PCDHGB3: variants seen among roughly 807,000 people sequenced by gnomAD.
The protein encoded by PCDHGB3 is protocadherin gamma subfamily B, 3, also known as protocadherin gamma-B3.
Under a neutral mutation model 59.2 loss-of-function variants are expected in PCDHGB3, and 40 were observed. The ratio of observed to expected loss-of-function variants is 0.68; its 90% CI spans 0.52 to 0.88. PCDHGB3 has a LOEUF of 0.88. Ranked by LOEUF, PCDHGB3 falls within the 40% of genes least tolerant of loss-of-function variation. PCDHGB3 has a pLI of 0.00. For synonymous variants in PCDHGB3, 581 were observed against 503.6 expected (o/e 1.15, Z -2.06); for missense variants, 1,309 against 1,187.9 (o/e 1.10, Z -1.50).
intron 1 of PCDHGB3, chr5:141,423,320 T>C: frequency 6.2e-7 from 1 of 1,614,148 alleles, no homozygotes; most frequent in Non-Finnish European, 8.5e-7. Flanking sequence ...GTGGTGGCGG[T>C]GGCCGCAGTC....
intron 1 of PCDHGB3, chr5:141,400,082 C>A: frequency 1.2e-6 from 2 of 1,614,016 alleles, no homozygotes; most frequent in Non-Finnish European, 1.7e-6. Flanking sequence ...CCACTCTCCG[C>A]CACCGCCACG....
intron 1 of PCDHGB3, chr5:141,440,744 A>C (rs2098197850): frequency 6.6e-6 from 1 of 152,194 alleles, no homozygotes; most frequent in Non-Finnish European, 1.5e-5. Context: ...CTGCTTGACT[A>C]GGAAAAGCAG....
intron 1 of PCDHGB3, chr5:141,398,645 C>T (rs932721053): frequency 6.2e-7 from 1 of 1,613,936 alleles, no homozygotes; most frequent in African/African-American, 1.3e-5. Flanking sequence ...TATAAACTCT[C>T]TCTTAACCCA....
chr5:141,385,571 T>C (rs2090288104), intron 1 of PCDHGB3: 5 of 1,299,428 alleles, frequency 3.8e-6, no homozygotes, highest in Non-Finnish European at 4.9e-6. Context: ...TCCACCTACT[T>C]TCCAATCTAT....
At position 141,371,393 on chromosome 5, in the gene PCDHGB3, A is replaced by G. The variant is rs1227716102; in HGVS notation, c.999A>G (p.Val333=). ...DGGHHTAYCK[V]QIDISDENDN... is the part of the protein sequence containing the mutation. ...GACATCACACTGCATATTGTAAAGT[A>G]CAGATAGATATTTCAGATGAAAATG... The change falls in exon 1 of 4, where the codon GTA becomes GTG. Residue 333 remains valine (V), a synonymous_variant. Transcript: ENST00000576222. 5.6e-6 allele frequency: 9 copies of G among 1,613,910 alleles called. No individual in the cohort carries two copies. The highest frequency in any genetic ancestry group is 5.0e-5 in the Admixed American group (3 of 60,014).
intron 1 of PCDHGB3, chr5:141,420,344 T>G (rs2096490860): frequency 2.2e-6 from 3 of 1,394,808 alleles, no homozygotes; most frequent in African/African-American, 1.5e-5. Flanking sequence ...TATAGTGGTA[T>G]TATTTTAAGA....
chr5:141,371,333 T>C lies in PCDHGB3; in HGVS notation c.939T>C (p.Asp313=). 1.2e-6 allele frequency: 2 copies of C among 1,613,850 alleles called. No individual in the cohort carries two copies. Among genetic ancestry groups the C allele is most frequent in the Non-Finnish European group, 1.7e-6 (2 of 1,179,838 alleles). The stretch of plus-strand genomic sequence containing the variant: ...GAGAACTGGACTTTGAAGAGAGAGA[T>C]AGCTACACAATTGGGGTGGAAGCAA... ...TIGELDFEER[D]SYTIGVEAKD... is the part of the protein sequence containing the mutation. The change falls in exon 1 of 4, where the codon GAT becomes GAC. Residue 313 remains aspartate (D), a synonymous_variant. Transcript: ENST00000576222.
intron 1 of PCDHGB3, chr5:141,402,906 C>T: frequency 1.3e-6 from 2 of 1,529,180 alleles, no homozygotes; most frequent in Non-Finnish European, 1.8e-6. Context: ...CCTGATGAAG[C>T]AGCGCGCACA....
At position 141,415,074 on chromosome 5, in the gene PCDHGB3, G is replaced by C; in HGVS notation, c.2415+42265G>C. 3 of 1,613,448 alleles carry C rather than the reference G, an allele frequency of 1.9e-6. No homozygotes were observed. In the South Asian group the frequency reaches 3.3e-5, roughly 18 times the overall value. On this transcript the variant is annotated intron_variant, in intron 1 of 3. Coordinates refer to ENST00000576222, the MANE Select transcript of PCDHGB3 (RefSeq NM_018924.5). ...AGCACACGGGCGAGGTGCGCACGGCGCGAGCCCTGCTGGACAGAGACGCGC... is the reference window on the plus strand; with the variant it reads ...AGCACACGGGCGAGGTGCGCACGGCCCGAGCCCTGCTGGACAGAGACGCGC...
At chr5:141,411,951 G>A (rs1589812278) in intron 1 of PCDHGB3, 1 of 152,252 alleles carries the variant, frequency 6.6e-6, no homozygotes, top group African/African-American at 2.4e-5. Context: ...GATTTTTGAA[G>A]AAAAAAGATA....
At chr5:141,423,183 G>GCCCCCTCTCTCGGCCAC (rs760086052) in intron 1 of PCDHGB3, 8 of 1,613,570 alleles carry the variant, frequency 5.0e-6, no homozygotes, top group Non-Finnish European at 6.8e-6. Context: ...ACCACGGCCA[G>GCCCCCTCTCTCGGCCAC]CCCCCTCTCT....
chr5:141,419,967 TTCTC>T (rs1324855239), intron 1 of PCDHGB3: 2 of 1,614,086 alleles, frequency 1.2e-6, no homozygotes, highest in Admixed American at 3.3e-5. Context: ...TCTGTGCTCT[TTCTC>T]CTCGCGGTGA....
intron 1 of PCDHGB3, among the ~76,000 whole-genome samples, chr5:141,406,450 G>T (rs2094811564): frequency 6.6e-6 from 1 of 152,194 alleles, no homozygotes; most frequent in South Asian, 2.1e-4. Flanking sequence ...CCATTTCTAT[G>T]ACAGGAAAAC....
At chr5:141,395,315 G>A in intron 1 of PCDHGB3, 1 of 1,486,272 alleles carries the variant, frequency 6.7e-7, no homozygotes, top group Middle Eastern at 1.8e-4. Context: ...AAAACATTGT[G>A]AAGATAGTTG....
rs760714983 is a variant in PCDHGB3 at position 141,389,956 on chromosome 5, T to C, written c.2415+17147T>C. 12 of 1,614,040 alleles carry C rather than the reference T, an allele frequency of 7.4e-6. No homozygotes were observed. In the South Asian group the frequency reaches 7.7e-5, roughly 10 times the overall value. ...CAGGCTGAGCTGCAGTTTTACCTAG[T>C]GGTGGCCTTGGCCTTGATCTCAGTG... is the stretch of plus-strand genomic sequence containing the variant. On this transcript the variant is annotated intron_variant, in intron 1 of 3. Coordinates refer to ENST00000576222, the MANE Select transcript of PCDHGB3 (RefSeq NM_018924.5).
chr5:141,398,111 T>C, intron 1 of PCDHGB3: 1 of 1,594,080 alleles, frequency 6.3e-7, no homozygotes, highest in East Asian at 2.2e-5. Context: ...GTGAGCAAGC[T>C]GAGGAGAGCA....
intron 1 of PCDHGB3, chr5:141,408,761 G>A (rs1469424988): frequency 8.7e-6 from 14 of 1,610,446 alleles, no homozygotes; most frequent in Non-Finnish European, 1.2e-5. Flanking sequence ...AGTTAATTCC[G>A]ATGGTGGCAA....
chr5:141,400,579 A>G (rs748573702), intron 1 of PCDHGB3: 2 of 1,610,854 alleles, frequency 1.2e-6, no homozygotes, highest in Non-Finnish European at 1.7e-6. Flanking sequence ...TTCTGTATTT[A>G]CATGAAACTA....
chr5:141,502,003 G>A (rs945565369), intron 2 of PCDHGB3, among the ~76,000 whole-genome samples: 17 of 151,966 alleles, frequency 1.1e-4, no homozygotes, highest in Admixed American at 1.1e-3. Flanking sequence ...CTGACAACCC[G>A]CATGCTCTCC....
Sources: allele counts gnomAD v4.1 joint callset (sites outside exome capture counted in the v4.1 genomes callset), GRCh38; gene constraint gnomAD v4.1.1; transcripts MANE v1.5; gene names NCBI Gene and HGNC (gene_info 2026-07-23, HGNC 2026-07-21).